DOCK7: variants seen among roughly 807,000 people sequenced by gnomAD.
DOCK7 encodes the protein dedicator of cytokinesis 7.
DOCK7 carries 138 observed loss-of-function variants against 271.0 expected under a neutral mutation model. The ratio of observed to expected loss-of-function variants is 0.51; its 90% CI spans 0.44 to 0.59. DOCK7 has a LOEUF of 0.59. Among genes scored for constraint, DOCK7 ranks in the 20% least tolerant of loss-of-function variants. The pLI, the probability that DOCK7 is intolerant of heterozygous loss-of-function variation, is 0.00. For missense variants in DOCK7, 2,066 were observed against 2,592.4 expected, an observed-to-expected ratio of 0.80 and a Z score of 4.41; for synonymous variants, 823 against 876.1, an observed-to-expected ratio of 0.94 and a Z score of 1.07.
chr1:62,475,834 G>A lies in DOCK7; in HGVS notation c.5834C>T (p.Thr1945Ile). 1 of 1,614,064 alleles carries A rather than the reference G, an allele frequency of 6.2e-7. No individual in the cohort carries two copies. The highest frequency in any genetic ancestry group is 1.3e-5 in the African/African-American group (1 of 75,054). ...GGCACGGCCATCTAAAGTAAAGGGT[G>A]TACAGTACATGAATCGACGAAGATT... ...NYNLRRFMYC[T>I]PFTLDGRAHG... Residue 1945 changes from threonine (T) to isoleucine (I), a missense_variant, in exon 46 of 50, where the codon ACA (threonine) becomes ATA (isoleucine). Thr to Ile is a moderately conservative substitution (Grantham distance 89). Around this residue, in one of 2 missense-constraint regions of DOCK7, gnomAD observed 652 missense variants for 922.1 expected, o/e 0.71. Coordinates refer to ENST00000635253, the MANE Select transcript of DOCK7 (RefSeq NM_001367561.1).
chr1:62,562,233 C>CTTTTTTTTTTTTT lies in DOCK7; in HGVS notation c.2113-543_2113-531dup, dbSNP rs59893499. Among the ~76,000 whole-genome samples the CTTTTTTTTTTTTT allele has an allele frequency of 4.0e-4, 49 of 121,246 alleles. 3 individuals carry two copies. The highest frequency in any genetic ancestry group is 5.1e-4 in the Non-Finnish European group (31 of 60,338). 79.5% of individuals were successfully genotyped at this position (121,246 alleles called of 152,430 possible). ...GCCTGTTGGTTTAAGGATCCAAAAA[C>CTTTTTTTTTTTTT]TTTTTTTTTTTTTTTTGAAATAGAG... On this transcript the variant is annotated intron_variant, in intron 18 of 49. Transcript: ENST00000635253.
chr1:62,484,448 G>A (rs919018443), intron 43 of DOCK7: 1 of 152,052 alleles, frequency 6.6e-6, no homozygotes, highest in African/African-American at 2.4e-5. Flanking sequence ...GTGTACTTCT[G>A]AATACAAATT....
At chr1:62,496,215 A>C (rs546323560) in intron 38 of DOCK7, 124 bp downstream of exon 38, 2 of 1,008,652 alleles carry the variant, frequency 2.0e-6, no homozygotes, top group East Asian at 2.5e-5. Flanking sequence ...ATGGCACATG[A>C]TGTGTGGATT....
At chr1:62,584,119 G>A (rs1571646250) in intron 15 of DOCK7, 2 of 971,132 alleles carry the variant, frequency 2.1e-6, no homozygotes, top group East Asian at 1.1e-4. Flanking sequence ...ACAACTCAAA[G>A]TTTATTATTT....
chr1:62,681,550 T>TAAAAAAAAAAAAAAAAAAAA (rs1237907928), intron 1 of DOCK7, among the ~76,000 whole-genome samples: 1 of 7,826 alleles, frequency 1.3e-4, no homozygotes. Flanking sequence ...ATAAAAAAAA[T>TAAAAAAAAAAAAAAAAAAAA]AAAATAAAAA....
intron 49 of DOCK7, 56 bp downstream of exon 49, chr1:62,457,482 T>A: frequency 2.6e-6 from 4 of 1,537,186 alleles, no homozygotes; most frequent in South Asian, 2.3e-5. Flanking sequence ...TCTACTAGTT[T>A]AACATGTTAG....
chr1:62,476,107 T>C lies in DOCK7; in HGVS notation c.5684A>G (p.Asp1895Gly), dbSNP rs1474922484. Residue 1895 changes from aspartate (D) to glycine (G), a missense_variant, in exon 45 of 50, where the codon GAC becomes GGC. This residue lies in a region of DOCK7 where 652 missense variants were observed against 922.1 expected (regional missense o/e 0.71). Transcript: ENST00000635253. ...TTTACACTTGTCTACAGGATTAGAG[T>C]CTTTGATTACTTCAACCACATCCTC... is the stretch of plus-strand genomic sequence containing the variant. ...FGEDVVEVIK[D>G]SNPVDKCKLD... 6.2e-7 allele frequency: 1 copy of C among 1,613,262 alleles called. No homozygotes were observed. Among genetic ancestry groups the C allele is most frequent in the Non-Finnish European group, 8.5e-7 (1 of 1,179,660 alleles).
chr1:62,466,842 AC>A (rs1645691906), intron 48 of DOCK7, among the ~76,000 whole-genome samples: 1 of 151,788 alleles, frequency 6.6e-6, no homozygotes, highest in Non-Finnish European at 1.5e-5. Context: ...AATCACTTGA[AC>A]CCGGGAGGCG....
intron 1 of DOCK7, among the ~76,000 whole-genome samples, chr1:62,685,141 C>A (rs1661584351): frequency 6.6e-6 from 1 of 152,176 alleles, no homozygotes; most frequent in South Asian, 2.1e-4. Flanking sequence ...GAGCACTGTT[C>A]TAAGCACTTT....
At chr1:62,564,074 G>A (rs1230066689) in intron 18 of DOCK7, among the ~76,000 whole-genome samples, 1 of 152,022 alleles carries the variant, frequency 6.6e-6, no homozygotes, top group Non-Finnish European at 1.5e-5. Context: ...CATAAAGCAA[G>A]TTATTAGAGA....
chr1:62,647,847 T>C, intron 6 of DOCK7, 71 bp from the exon 7 acceptor site: 1 of 1,143,234 alleles, frequency 8.7e-7, no homozygotes. Context: ...TTTCAGAACT[T>C]ACTTTACTAA....
chr1:62,566,499 G>A (rs1343832417), intron 18 of DOCK7, among the ~76,000 whole-genome samples: 1 of 152,138 alleles, frequency 6.6e-6, no homozygotes, highest in Middle Eastern at 3.2e-3. Context: ...GTCATATGCA[G>A]AACACTGAAA....
chr1:62,568,550 CT>C lies in DOCK7; in HGVS notation c.2113-6848del, dbSNP rs527860862. 1.0e-4 allele frequency among the ~76,000 whole-genome samples: 15 copies of C among 148,040 alleles called. No homozygotes were observed. In the South Asian group the frequency reaches 3.0e-3, roughly 30 times the overall value. On this transcript the variant is annotated intron_variant, in intron 18 of 49. Transcript: ENST00000635253. ...AAACTCCTGACCTCAAGTAATCCCC[CT>C]GCCACAGCATTCCAACGTGCTTGGA...
chr1:62,455,675 G>A, intron 49 of DOCK7, among the ~76,000 whole-genome samples: 1 of 152,104 alleles, frequency 6.6e-6, no homozygotes, highest in South Asian at 2.1e-4. Context: ...CTGGTCTTTT[G>A]TATTCGTTTG....
At chr1:62,527,638 A>T (rs890987470) in intron 31 of DOCK7, among the ~76,000 whole-genome samples, 2 of 151,336 alleles carry the variant, frequency 1.3e-5, no homozygotes, top group Non-Finnish European at 2.9e-5. Context: ...ACAAAAAACC[A>T]AACACCGCAT....
intron 11 of DOCK7, among the ~76,000 whole-genome samples, chr1:62,626,347 C>T (rs561494845): frequency 9.2e-5 from 14 of 151,754 alleles, no homozygotes; most frequent in South Asian, 2.1e-4. Flanking sequence ...AAAAAAAATC[C>T]GAAACCAGCA....
rs1462672970 is a variant in DOCK7 at position 62,666,705 on chromosome 1, T to C, written c.39-3575A>G. Among the ~76,000 whole-genome samples, 3 of 152,238 alleles carry C rather than the reference T, an allele frequency of 2.0e-5. No individual in the cohort carries two copies. In the East Asian group the frequency reaches 5.8e-4, roughly 29 times the overall value. On this transcript the variant is annotated intron_variant, in intron 1 of 49. Coordinates refer to ENST00000635253, the MANE Select transcript of DOCK7 (RefSeq NM_001367561.1). ...TAAAATCCTTTATCAGAGGTTACTTTTTCCAATCAGATTTTTTCTTACTCC... is the reference window on the plus strand; with the variant it reads ...TAAAATCCTTTATCAGAGGTTACTTCTTCCAATCAGATTTTTTCTTACTCC...
At chr1:62,611,934 C>T (rs1269371817) in intron 14 of DOCK7, among the ~76,000 whole-genome samples, 2 of 150,290 alleles carry the variant, frequency 1.3e-5, no homozygotes, top group Non-Finnish European at 3.0e-5. Context: ...CACCTGAGGT[C>T]AGGAGTTCGA....
intron 30 of DOCK7, 104 bp from the exon 31 acceptor site, chr1:62,528,409 T>C: frequency 7.5e-6 from 8 of 1,065,998 alleles, no homozygotes; most frequent in Non-Finnish European, 1.0e-5. Context: ...TGACATGTTA[T>C]AGTTATTAGA....
Sources: allele counts gnomAD v4.1 joint callset (sites outside exome capture counted in the v4.1 genomes callset), GRCh38; gene constraint gnomAD v4.1.1; regional missense constraint gnomAD v4.1.1; transcripts MANE v1.5; gene names NCBI Gene and HGNC (gene_info 2026-07-23, HGNC 2026-07-21).